BLTP3B: variants seen among roughly 807,000 people sequenced by gnomAD.
The protein encoded by BLTP3B is UHRF1 (ICBP90) binding protein 1-like.
the BLTP3B span, among the ~76,000 whole-genome samples, chr12:100,111,554 G>A: frequency 6.6e-6 from 1 of 151,706 alleles, no homozygotes; most frequent in Admixed American, 6.6e-5. Flanking sequence ...AAAGCAGTTG[G>A]GACCATGGGC....
chr12:100,142,774 C>T, the BLTP3B span: 1 of 1,295,604 alleles, frequency 7.7e-7, no homozygotes, highest in Non-Finnish European at 1.0e-6. Flanking sequence ...CCCAAGGCCC[C>T]GGCCAAGGCC....
At chr12:100,102,918 AT>A in the BLTP3B span, 1 of 965,946 alleles carries the variant, frequency 1.0e-6, no homozygotes. Context: ...TTATTAAAGT[AT>A]TATTTAAGAT....
chr12:100,124,967 TA>T, the BLTP3B span, among the ~76,000 whole-genome samples: 3,998 of 115,744 alleles, frequency 0.035, 324 homozygotes, highest in African/African-American at 0.13. Flanking sequence ...TATATATATA[TA>T]TATATATATA....
the BLTP3B span, among the ~76,000 whole-genome samples, chr12:100,044,945 T>A: frequency 8.0e-5 from 12 of 150,750 alleles, no homozygotes; most frequent in Non-Finnish European, 1.8e-4. Flanking sequence ...AGCATTCCTA[T>A]ACACCATTAA....
chr12:100,089,629 C>A, the BLTP3B span, among the ~76,000 whole-genome samples: 1 of 152,016 alleles, frequency 6.6e-6, no homozygotes, highest in Admixed American at 6.6e-5. Context: ...CAAATATGAA[C>A]CCAATATATC....
the BLTP3B span, chr12:100,097,410 T>A: frequency 6.2e-7 from 1 of 1,613,444 alleles, no homozygotes; most frequent in South Asian, 1.1e-5. Flanking sequence ...TGGTTATTAA[T>A]CGAACAGGAG....
At chr12:100,086,111 A>T in the BLTP3B span, among the ~76,000 whole-genome samples, 3 of 152,124 alleles carry the variant, frequency 2.0e-5, no homozygotes, top group African/African-American at 7.2e-5. Context: ...ACTATATTCC[A>T]TGGCAATTCT....
chr12:100,085,666 G>C, the BLTP3B span, among the ~76,000 whole-genome samples: 1 of 152,128 alleles, frequency 6.6e-6, no homozygotes, highest in Non-Finnish European at 1.5e-5. Flanking sequence ...ATGATCTCTA[G>C]TTTGGTTTTT....
chr12:100,133,423 C>T, the BLTP3B span, among the ~76,000 whole-genome samples: 190 of 152,180 alleles, frequency 1.2e-3, no homozygotes, highest in Non-Finnish European at 2.1e-3. Flanking sequence ...ATTCTCAAGT[C>T]ATAAAAGAAT....
chr12:100,048,736 GA>G, the BLTP3B span, among the ~76,000 whole-genome samples: 82 of 96,950 alleles, frequency 8.5e-4, no homozygotes, highest in African/African-American at 1.4e-3. Context: ...TAAGGGGGGG[GA>G]GAGAGAGAGA....
the BLTP3B span, among the ~76,000 whole-genome samples, chr12:100,105,309 T>C: frequency 6.6e-6 from 1 of 151,980 alleles, no homozygotes; most frequent in East Asian, 1.9e-4. Flanking sequence ...TGGAACAGAA[T>C]AAAGTATTCT....
At chr12:100,084,438 C>T in the BLTP3B span, 1 of 1,564,380 alleles carries the variant, frequency 6.4e-7, no homozygotes, top group Middle Eastern at 1.7e-4. Context: ...AGTGCAAACA[C>T]TCTTAATATT....
the BLTP3B span, among the ~76,000 whole-genome samples, chr12:100,092,153 G>C: frequency 6.6e-6 from 1 of 152,094 alleles, no homozygotes; most frequent in African/African-American, 2.4e-5. Context: ...TTCTCTTTTA[G>C]AGAAGAATAA....
At chr12:100,062,972 G>T in the BLTP3B span, among the ~76,000 whole-genome samples, 2 of 146,922 alleles carry the variant, frequency 1.4e-5, no homozygotes, top group Admixed American at 1.4e-4. Context: ...AAAAAGAAAA[G>T]AATTTAAAAA....
At chr12:100,078,499 G>C in the BLTP3B span, among the ~76,000 whole-genome samples, 7 of 152,256 alleles carry the variant, frequency 4.6e-5, no homozygotes, top group Middle Eastern at 0.01. Flanking sequence ...GTTTATGATA[G>C]CAAAACGACG....
the BLTP3B span, among the ~76,000 whole-genome samples, chr12:100,049,279 G>A: frequency 3.3e-5 from 5 of 152,160 alleles, no homozygotes; most frequent in African/African-American, 1.2e-4. Flanking sequence ...CTGGAAAGGC[G>A]AAGCTGTTTC....
the BLTP3B span, chr12:100,086,214 T>A: frequency 9.2e-7 from 1 of 1,089,418 alleles, no homozygotes; most frequent in Non-Finnish European, 1.3e-6. Flanking sequence ...CTAAACTAAA[T>A]AAATTAGCTA....
chr12:100,122,041 G>A, the BLTP3B span, among the ~76,000 whole-genome samples: 6 of 152,004 alleles, frequency 3.9e-5, no homozygotes, highest in Admixed American at 6.6e-5. Context: ...AGGAGGCTAA[G>A]GTGGGATTAC....
At chr12:100,047,547 C>T in the BLTP3B span, 5 of 1,610,048 alleles carry the variant, frequency 3.1e-6, no homozygotes, top group Non-Finnish European at 4.2e-6. Context: ...ATGAAAAGAG[C>T]CATCGTCACT....
Sources: allele counts gnomAD v4.1 joint callset (sites outside exome capture counted in the v4.1 genomes callset), GRCh38; gene constraint gnomAD v4.1.1; transcripts MANE v1.5; gene names NCBI Gene and HGNC (gene_info 2026-07-23, HGNC 2026-07-21).